The following PHF21B variants were observed in gnomAD, a reference collection of about 807,000 sequenced individuals.
PHF21B encodes PHD finger protein 4.
A neutral mutation model predicts 62.2 loss-of-function variants in PHF21B; 22 were observed. The ratio of observed to expected loss-of-function variants is 0.35; its 90% CI spans 0.25 to 0.51. PHF21B has a LOEUF of 0.51. Among genes scored for constraint, PHF21B ranks in the 20% least tolerant of loss-of-function variants. The probability of loss-of-function intolerance (pLI) is 0.97; values close to 1 mark genes in which losing one functional copy is unlikely to be tolerated. For missense variants in PHF21B, 701 were observed against 707.9 expected, an observed-to-expected ratio of 0.99 and a Z score of 0.11; for synonymous variants, 341 against 314.7, an observed-to-expected ratio of 1.08 and a Z score of -0.88.
intron 2 of PHF21B, among the ~76,000 whole-genome samples, chr22:44,967,438 GTCTCGATCTCCTGACC>G (rs1302078665): frequency 6.6e-6 from 1 of 152,120 alleles, no homozygotes; most frequent in Non-Finnish European, 1.5e-5. Context: ...AGCCAGGATA[GTCTCGATCTCCTGACC>G]TCATGATCTG....
At chr22:44,988,986 A>C (rs767530766) in intron 2 of PHF21B, 2 of 152,120 alleles carry the variant, frequency 1.3e-5, no homozygotes, top group South Asian at 2.1e-4. Context: ...AAGGGCACTA[A>C]TCTTATTTAT....
At position 45,008,559 on chromosome 22, in the gene PHF21B, G is replaced by A. The variant is rs1461380156; in HGVS notation, c.106C>T (p.Leu36Phe). The A allele has an allele frequency of 1.3e-6, 2 of 1,585,520 alleles. No individual in the cohort carries two copies. The highest frequency in any genetic ancestry group is 1.3e-5 in the African/African-American group (1 of 74,474). The change falls in exon 2 of 13, where the codon CTC (leucine) becomes TTC (phenylalanine). Residue 36 changes from leucine to phenylalanine, a missense_variant. Leu to Phe is a conservative substitution (Grantham distance 22). Transcript: ENST00000313237. ...LHERQPRIAA[L>F]SDKQALGTIT... ...CCATCGCTTACTTGTTTGTCGCTGA[G>A]CGCGGCGATCCGCGGCTGCCTTTCG...
intron 2 of PHF21B, among the ~76,000 whole-genome samples, chr22:44,983,251 A>G (rs1302553624): frequency 7.7e-6 from 1 of 130,232 alleles, no homozygotes; most frequent in East Asian, 2.2e-4. Flanking sequence ...AAAAAAAAAA[A>G]AGGCAAAACC....
chr22:45,006,427 C>T (rs1382101625), intron 2 of PHF21B, among the ~76,000 whole-genome samples: 1 of 152,154 alleles, frequency 6.6e-6, no homozygotes, highest in Admixed American at 6.5e-5. Flanking sequence ...GCCTCCTTCC[C>T]GGAGTTCAAA....
intron 9 of PHF21B, 61 bp downstream of exon 9, chr22:44,889,699 G>A (rs1215026128): frequency 1.3e-6 from 2 of 1,555,212 alleles, no homozygotes; most frequent in Non-Finnish European, 1.7e-6. Flanking sequence ...GACCCTATGA[G>A]GACTGTACTG....
intron 5 of PHF21B, 145 bp from the exon 6 acceptor site, chr22:44,896,228 G>A: frequency 2.4e-6 from 2 of 828,722 alleles, no homozygotes; most frequent in Non-Finnish European, 4.1e-6. Context: ...TGCCAAGTCA[G>A]TTTCTAAGAA....
intron 2 of PHF21B, among the ~76,000 whole-genome samples, chr22:44,944,910 G>T (rs5766221): frequency 0.16 from 24,124 of 150,902 alleles, 2,171 homozygotes; most frequent in Middle Eastern, 0.19. Flanking sequence ...GGGCCTCGAC[G>T]GTCACTCCTG....
intron 2 of PHF21B, among the ~76,000 whole-genome samples, chr22:44,995,846 G>C (rs1047008703): frequency 7.2e-6 from 1 of 139,708 alleles, no homozygotes; most frequent in African/African-American, 2.7e-5. Context: ...GACAGACTCT[G>C]TCCCTGAGGT....
At chr22:44,903,551 T>A (rs2071197843) in intron 5 of PHF21B, among the ~76,000 whole-genome samples, 1 of 152,242 alleles carries the variant, frequency 6.6e-6, no homozygotes, top group Non-Finnish European at 1.5e-5. Flanking sequence ...CTGTTCCTTC[T>A]GGAAGCTCAG....
At chr22:44,894,586 G>C (rs1165279420) in intron 6 of PHF21B, among the ~76,000 whole-genome samples, 1 of 152,214 alleles carries the variant, frequency 6.6e-6, no homozygotes, top group African/African-American at 2.4e-5. Flanking sequence ...CACACCATCA[G>C]GCGGGGAGCT....
chr22:44,956,465 T>A (rs772320523), intron 2 of PHF21B, among the ~76,000 whole-genome samples: 5 of 152,230 alleles, frequency 3.3e-5, no homozygotes, highest in Non-Finnish European at 1.5e-5. Context: ...TGGCTCCAAA[T>A]TAAATCTAAC....
At chr22:44,916,112 A>T (rs1445196708) in intron 4 of PHF21B, among the ~76,000 whole-genome samples, 168 bp downstream of exon 4, 1 of 152,034 alleles carries the variant, frequency 6.6e-6, no homozygotes, top group African/African-American at 2.4e-5. Flanking sequence ...CCATTCATTC[A>T]TTTGCTCCTC....
intron 5 of PHF21B, among the ~76,000 whole-genome samples, chr22:44,905,025 T>C (rs1255543558): frequency 6.6e-6 from 1 of 152,190 alleles, no homozygotes; most frequent in Non-Finnish European, 1.5e-5. Flanking sequence ...ATCTCTAGCC[T>C]CCTAGATTTG....
intron 10 of PHF21B, among the ~76,000 whole-genome samples, chr22:44,887,539 G>C (rs937741774): frequency 1.3e-5 from 2 of 151,932 alleles, no homozygotes; most frequent in African/African-American, 2.4e-5. Flanking sequence ...TTGATCACCT[G>C]AGGTCAGGAG....
chr22:44,949,401 C>T (rs1292627637), intron 2 of PHF21B, among the ~76,000 whole-genome samples: 1 of 151,400 alleles, frequency 6.6e-6, no homozygotes, highest in African/African-American at 2.4e-5. Context: ...CTTTCAAAAT[C>T]TCTGCTAATG....
intron 9 of PHF21B, 135 bp from the exon 10 acceptor site, chr22:44,888,256 T>G: frequency 2.3e-5 from 25 of 1,069,868 alleles, no homozygotes; most frequent in Non-Finnish European, 3.1e-5. Context: ...CCAGCAGCTC[T>G]ACGGAGAGAG....
intron 2 of PHF21B, among the ~76,000 whole-genome samples, chr22:44,977,335 T>G (rs1165653427): frequency 6.6e-6 from 1 of 151,766 alleles, no homozygotes; most frequent in Non-Finnish European, 1.5e-5. Context: ...GAGGCCGAGG[T>G]GGGCAGATCA....
chr22:44,996,989 G>A (rs989368780), intron 2 of PHF21B, among the ~76,000 whole-genome samples: 1 of 152,050 alleles, frequency 6.6e-6, no homozygotes, highest in Non-Finnish European at 1.5e-5. Flanking sequence ...GCCACCTTCC[G>A]ACCCACTCCA....
chr22:44,994,501 CTT>C (rs2073089594), intron 2 of PHF21B, among the ~76,000 whole-genome samples: 2 of 152,368 alleles, frequency 1.3e-5, no homozygotes, highest in South Asian at 4.1e-4. Context: ...CCTGCTGACA[CTT>C]TCCTTTCAGA....
Sources: allele counts gnomAD v4.1 joint callset (sites outside exome capture counted in the v4.1 genomes callset), GRCh38; gene constraint gnomAD v4.1.1; transcripts MANE v1.5; gene names NCBI Gene and HGNC (gene_info 2026-07-23, HGNC 2026-07-21).